Variants in HHIPL1 observed in about 807,000 individuals in gnomAD.
The protein encoded by HHIPL1 is HHIP-like protein 1.
In HHIPL1, 43 loss-of-function variants were observed where a neutral mutation model predicts 61.8. That is an observed-to-expected ratio of 0.70 (90% CI 0.55 to 0.90). HHIPL1 has a LOEUF of 0.90. Ranked by LOEUF, HHIPL1 falls within the 40% of genes least tolerant of loss-of-function variation. The pLI is 0.00. For synonymous variants in HHIPL1, 482 were observed against 515.8 expected (o/e 0.93, Z 0.89); for missense variants, 1,056 against 1,157.7 (o/e 0.91, Z 1.28).
the HHIPL1 span, among the ~76,000 whole-genome samples, chr14:99,609,361 C>T: frequency 4.6e-5 from 7 of 152,164 alleles, no homozygotes; most frequent in Admixed American, 4.6e-4. Flanking sequence ...CTTTCCCATC[C>T]TCTGCACCAG....
chr14:99,637,577 A>G, the HHIPL1 span, among the ~76,000 whole-genome samples: 1,144 of 152,144 alleles, frequency 7.5e-3, 8 homozygotes, highest in Middle Eastern at 0.017. Context: ...GTCTCAAAAA[A>G]AAAAAAAGAA....
intron 1 of HHIPL1, 52 bp from the exon 2 acceptor site, chr14:99,652,172 G>A (rs887324955): frequency 5.9e-5 from 89 of 1,518,434 alleles, no homozygotes; most frequent in Non-Finnish European, 6.9e-5. Context: ...AGGTAACCTT[G>A]GGCTGGTAAG....
At chr14:99,632,172 A>T in the HHIPL1 span, among the ~76,000 whole-genome samples, 16 of 152,348 alleles carry the variant, frequency 1.1e-4, no homozygotes, top group East Asian at 3.1e-3. Context: ...GGCAGAAAGA[A>T]CAGGAGTAGC....
At chr14:99,643,174 G>C (rs2055774973), upstream of HHIPL1, among the ~76,000 whole-genome samples, 1 of 152,118 alleles carries the variant, frequency 6.6e-6, no homozygotes, top group Non-Finnish European at 1.5e-5. Context: ...CCAGTAGCTG[G>C]GATTATAGGC....
At chr14:99,637,761 G>A in the HHIPL1 span, among the ~76,000 whole-genome samples, 1 of 152,144 alleles carries the variant, frequency 6.6e-6, no homozygotes, top group African/African-American at 2.4e-5. Context: ...CACTGGGCCT[G>A]TAATAGCTCC....
At position 99,679,605 on chromosome 14, in the gene HHIPL1, TG is replaced by T. The variant is rs1251353280; in HGVS notation, c.*3981del. ...AAATGTTTGGGAGGTTCAAGGAAGC[TG>T]GAAACTGGGTTCCAGTCCTGGCTCT... is the stretch of plus-strand genomic sequence containing the variant. On this transcript the variant is annotated 3_prime_UTR_variant, in exon 9 of 9. Coordinates refer to ENST00000330710, the MANE Select transcript of HHIPL1 (RefSeq NM_001127258.3). The T allele has an allele frequency of 6.6e-6, 1 of 152,236 alleles. No homozygotes were observed. Among genetic ancestry groups the T allele is most frequent in the South Asian group, 2.1e-4 (1 of 4,834 alleles). 9.4% of individuals were successfully genotyped at this position (152,236 alleles called of 1,614,324 possible).
the HHIPL1 span, among the ~76,000 whole-genome samples, chr14:99,607,240 G>A: frequency 1.3e-5 from 2 of 151,624 alleles, no homozygotes; most frequent in Non-Finnish European, 2.9e-5. Flanking sequence ...GAGTCTCACT[G>A]TGTTTCCCAG....
chr14:99,617,755 C>T, the HHIPL1 span, among the ~76,000 whole-genome samples: 1 of 152,198 alleles, frequency 6.6e-6, no homozygotes, highest in African/African-American at 2.4e-5. Flanking sequence ...CACGCCAAGC[C>T]CGGGCCTGCC....
the HHIPL1 span, among the ~76,000 whole-genome samples, chr14:99,609,577 C>T: frequency 1.7e-4 from 26 of 152,326 alleles, no homozygotes; most frequent in Admixed American, 1.2e-3. Flanking sequence ...CACAGAGTTC[C>T]GAGGTCATGT....
chr14:99,640,801 C>T (rs1171457552), upstream of HHIPL1, among the ~76,000 whole-genome samples: 3 of 151,088 alleles, frequency 2.0e-5, no homozygotes, highest in Non-Finnish European at 4.4e-5. Flanking sequence ...CATCCATGTG[C>T]TATAACCATC....
At chr14:99,661,612 C>T (rs537922491) in intron 5 of HHIPL1, among the ~76,000 whole-genome samples, 1 of 152,240 alleles carries the variant, frequency 6.6e-6, no homozygotes, top group Admixed American at 6.5e-5. Flanking sequence ...AGATTATAGG[C>T]ATGTGCCACC....
At chr14:99,630,732 T>C in the HHIPL1 span, among the ~76,000 whole-genome samples, 1 of 152,198 alleles carries the variant, frequency 6.6e-6, no homozygotes, top group Non-Finnish European at 1.5e-5. Flanking sequence ...CTGCTACGCC[T>C]GCAGACTTTG....
the HHIPL1 span, among the ~76,000 whole-genome samples, chr14:99,615,129 G>C: frequency 6.6e-6 from 1 of 152,060 alleles, no homozygotes. Flanking sequence ...GCATCCTGAA[G>C]GAAAACTATT....
chr14:99,674,633 G>A (rs987491085), intron 8 of HHIPL1, among the ~76,000 whole-genome samples: 11 of 152,136 alleles, frequency 7.2e-5, no homozygotes, highest in African/African-American at 2.7e-4. Flanking sequence ...GTGGGCCTCA[G>A]CTTCCTCACC....
chr14:99,674,027 G>T (rs1595172719), intron 8 of HHIPL1, among the ~76,000 whole-genome samples: 1 of 151,786 alleles, frequency 6.6e-6, no homozygotes, highest in Non-Finnish European at 1.5e-5. Flanking sequence ...AGCAGGAGGT[G>T]GGGGCCAGGG....
At chr14:99,638,332 T>C in the HHIPL1 span, among the ~76,000 whole-genome samples, 1 of 152,150 alleles carries the variant, frequency 6.6e-6, no homozygotes, top group African/African-American at 2.4e-5. Context: ...CTCAAGACAG[T>C]GGGGACAGGC....
upstream of HHIPL1, among the ~76,000 whole-genome samples, chr14:99,644,223 C>T (rs965521256): frequency 2.6e-5 from 4 of 152,090 alleles, no homozygotes; most frequent in African/African-American, 7.2e-5. Context: ...CTGCAGAGGA[C>T]GGATGTGTGC....
upstream of HHIPL1, among the ~76,000 whole-genome samples, chr14:99,644,508 C>G (rs1013319921): frequency 1.3e-5 from 2 of 151,902 alleles, no homozygotes; most frequent in Admixed American, 6.6e-5. Context: ...GCGGGGGCAG[C>G]GGAACAAAGG....
chr14:99,653,660 C>T (rs543752397), intron 2 of HHIPL1, among the ~76,000 whole-genome samples: 5 of 152,324 alleles, frequency 3.3e-5, no homozygotes, highest in African/African-American at 1.2e-4. Context: ...AACTTGCTCT[C>T]CTTCCTGCCC....
Sources: allele counts gnomAD v4.1 joint callset (sites outside exome capture counted in the v4.1 genomes callset), GRCh38; gene constraint gnomAD v4.1.1; transcripts MANE v1.5; gene names NCBI Gene and HGNC (gene_info 2026-07-23, HGNC 2026-07-21).